Variants in ADGRL3 observed in about 807,000 individuals in gnomAD.
The protein encoded by ADGRL3 is adhesion G protein-coupled receptor L3.
A neutral mutation model predicts 153.5 loss-of-function variants in ADGRL3; 62 were observed. The observed-to-expected ratio is 0.40, with a 90% confidence interval of 0.33 to 0.50. The LOEUF (loss-of-function observed/expected upper bound fraction) is 0.50, where lower values mean the gene tolerates loss of function less well. ADGRL3 is among the 20% of genes least tolerant of loss of function. The pLI is 0.47. For synonymous variants in ADGRL3, 710 were observed against 672.5 expected (o/e 1.06, Z -0.86); for missense variants, 1,641 against 1,859.4 (o/e 0.88, Z 2.16).
At chr4:61,647,200 C>T (rs2150320953) in intron 5 of ADGRL3, among the ~76,000 whole-genome samples, 3 of 152,178 alleles carry the variant, frequency 2.0e-5, no homozygotes, top group Admixed American at 2.0e-4. Context: ...TGAGATGAAC[C>T]CGGTACCTCA....
At chr4:61,567,513 T>C (rs573074386) in intron 4 of ADGRL3, among the ~76,000 whole-genome samples, 2 of 152,294 alleles carry the variant, frequency 1.3e-5, no homozygotes, top group East Asian at 3.9e-4. Context: ...AGCTAGAAGA[T>C]GCCGTCTATG....
At chr4:61,555,708 A>G (rs1021414721) in intron 4 of ADGRL3, among the ~76,000 whole-genome samples, 1 of 152,196 alleles carries the variant, frequency 6.6e-6, no homozygotes, top group African/African-American at 2.4e-5. Flanking sequence ...TGGCTACTCC[A>G]TAGACAAAGC....
At chr4:61,718,470 C>T (rs2096170955) in intron 6 of ADGRL3, among the ~76,000 whole-genome samples, 2 of 152,042 alleles carry the variant, frequency 1.3e-5, no homozygotes. Context: ...CATAGTTGTT[C>T]CTGAAAACAT....
At chr4:61,609,642 T>C (rs889114930) in intron 5 of ADGRL3, among the ~76,000 whole-genome samples, 1 of 152,152 alleles carries the variant, frequency 6.6e-6, no homozygotes, top group Non-Finnish European at 1.5e-5. Flanking sequence ...CTGAATTTTC[T>C]TTCCTGTATG....
intron 9 of ADGRL3, among the ~76,000 whole-genome samples, chr4:61,872,969 A>C (rs1357782270): frequency 6.6e-6 from 1 of 152,198 alleles, no homozygotes; most frequent in East Asian, 1.9e-4. Flanking sequence ...TTTAAAATGC[A>C]CTGTAGTGCC....
In ADGRL3 at chr4:61,441,673, C is replaced by T. The variant is rs570853196; in HGVS notation, c.-173-55448C>T. On this transcript the variant is annotated intron_variant, in intron 2 of 26. Coordinates refer to ENST00000683033, the MANE Select transcript of ADGRL3 (RefSeq NM_001387552.1). ...TAGCTGGGACTACAGGTGCATGCCG[C>T]TACGCCTGGCTAATTTTTTTTCTAA... Among the ~76,000 whole-genome samples, 8 of 152,168 alleles carry T rather than the reference C, an allele frequency of 5.3e-5. 1 individual carries two copies. In the South Asian group the frequency reaches 1.7e-3, roughly 32 times the overall value.
At chr4:61,660,591 G>T (rs373747834) in intron 5 of ADGRL3, among the ~76,000 whole-genome samples, 3 of 152,056 alleles carry the variant, frequency 2.0e-5, no homozygotes, top group South Asian at 4.2e-4. Context: ...TAACTAAATG[G>T]TTTCCTATTT....
At chr4:61,598,672 G>T (rs961391448) in intron 5 of ADGRL3, among the ~76,000 whole-genome samples, 1 of 152,122 alleles carries the variant, frequency 6.6e-6, no homozygotes, top group Non-Finnish European at 1.5e-5. Context: ...ATACGAGTGA[G>T]ATCATAACTT....
intron 2 of ADGRL3, among the ~76,000 whole-genome samples, chr4:61,391,890 G>T (rs1451570326): frequency 8.3e-6 from 1 of 119,830 alleles, no homozygotes; most frequent in Non-Finnish European, 1.6e-5. Flanking sequence ...GATGGAGTCT[G>T]GCTCTGTCAC....
rs1745100805 is a variant in ADGRL3 at position 62,070,139 on chromosome 4, G to A, written c.3863G>A (p.Ser1288Asn). 1.2e-6 allele frequency: 2 copies of A among 1,613,850 alleles called. No individual in the cohort carries two copies. Among genetic ancestry groups the A allele is most frequent in the African/African-American group, 2.7e-5 (2 of 74,886 alleles). ...CTTCTGAACAATGCCAGGGATACAA[G>A]TGTCATGGATACTCTACCACTGAAT... ...KGLLNNARDT[S>N]VMDTLPLNGN... Residue 1288 changes from serine to asparagine, a missense_variant, in exon 27 of 27, where the codon AGT becomes AAT. Transcript: ENST00000683033.
At chr4:61,367,051 C>T (rs961050628) in intron 1 of ADGRL3, among the ~76,000 whole-genome samples, 4 of 151,830 alleles carry the variant, frequency 2.6e-5, no homozygotes, top group Non-Finnish European at 5.9e-5. Flanking sequence ...TAAAAGTTTG[C>T]CTTTTATGTA....
chr4:61,869,137 T>C (rs945274395), intron 9 of ADGRL3, among the ~76,000 whole-genome samples: 1 of 151,650 alleles, frequency 6.6e-6, no homozygotes, highest in Non-Finnish European at 1.5e-5. Flanking sequence ...TACAAAGGGG[T>C]TTTACCATGT....
intron 3 of ADGRL3, among the ~76,000 whole-genome samples, chr4:61,513,267 A>T (rs182312957): frequency 5.9e-5 from 9 of 152,250 alleles, no homozygotes; most frequent in East Asian, 1.9e-4. Context: ...ACTTAATTTT[A>T]AAAAAATTAT....
intron 5 of ADGRL3, among the ~76,000 whole-genome samples, chr4:61,639,931 A>G (rs945162362): frequency 1.2e-4 from 18 of 152,154 alleles, no homozygotes; most frequent in Non-Finnish European, 2.5e-4. Flanking sequence ...TATATTTCAT[A>G]GAGGCTAACT....
chr4:61,785,457 T>C (rs2097265683), intron 8 of ADGRL3, among the ~76,000 whole-genome samples: 1 of 152,260 alleles, frequency 6.6e-6, no homozygotes, highest in East Asian at 1.9e-4. Context: ...TTCAAAATAT[T>C]GTTACCTACC....
At chr4:61,777,151 G>A (rs577368885) in intron 8 of ADGRL3, among the ~76,000 whole-genome samples, 2 of 152,114 alleles carry the variant, frequency 1.3e-5, no homozygotes, top group South Asian at 2.1e-4. Flanking sequence ...TGGCTAACAC[G>A]GTGAAACCCC....
At chr4:61,627,784 A>T (rs149581939) in intron 5 of ADGRL3, among the ~76,000 whole-genome samples, 203 of 152,240 alleles carry the variant, frequency 1.3e-3, no homozygotes, top group African/African-American at 4.8e-3. Context: ...CTGCCTGCTT[A>T]TATTGCCTTA....
At chr4:61,641,333 T>G (rs1025886153) in intron 5 of ADGRL3, among the ~76,000 whole-genome samples, 4 of 151,916 alleles carry the variant, frequency 2.6e-5, no homozygotes, top group African/African-American at 9.7e-5. Context: ...TTGGGGTAAA[T>G]GTGCAGGTTA....
intron 6 of ADGRL3, among the ~76,000 whole-genome samples, chr4:61,705,716 C>G (rs2095846588): frequency 6.6e-6 from 1 of 152,012 alleles, no homozygotes; most frequent in South Asian, 2.1e-4. Context: ...CCAGGCTGGT[C>G]TCAAACTTCT....
Sources: allele counts gnomAD v4.1 joint callset (sites outside exome capture counted in the v4.1 genomes callset), GRCh38; gene constraint gnomAD v4.1.1; transcripts MANE v1.5; gene names NCBI Gene and HGNC (gene_info 2026-07-23, HGNC 2026-07-21).